The following SLC17A5 variants were observed in gnomAD, a reference collection of about 807,000 sequenced individuals.
The protein encoded by SLC17A5 is solute carrier family 17 member 5, also known as sialin.
A neutral mutation model predicts 59.4 loss-of-function variants in SLC17A5; 47 were observed. The observed-to-expected ratio is 0.79, with a 90% CI of 0.63 to 1.01. SLC17A5 has a LOEUF of 1.01. Among genes scored for constraint, SLC17A5 ranks in the 50% least tolerant of loss-of-function variants. The pLI is 0.00. For synonymous variants in SLC17A5, 202 were observed against 210.7 expected (o/e 0.96, Z 0.36); for missense variants, 522 against 595.5 (o/e 0.88, Z 1.28).
intron 6 of SLC17A5, among the ~76,000 whole-genome samples, chr6:73,626,172 T>C (rs1022870760): frequency 3.9e-5 from 6 of 152,234 alleles, no homozygotes; most frequent in Non-Finnish European, 8.8e-5. Context: ...TTAGTCACAC[T>C]GGTATGTTTT....
chr6:73,599,817 T>C (rs1332456151), intron 10 of SLC17A5, among the ~76,000 whole-genome samples: 1 of 143,318 alleles, frequency 7.0e-6, no homozygotes, highest in East Asian at 2.0e-4. Flanking sequence ...TTTTTTTTTT[T>C]GAGACGGAGT....
At chr6:73,639,675 G>T (rs913132034) in intron 3 of SLC17A5, among the ~76,000 whole-genome samples, 1 of 152,214 alleles carries the variant, frequency 6.6e-6, no homozygotes, top group African/African-American at 2.4e-5. Context: ...CTTTATGAAT[G>T]AGGAAATGCA....
At chr6:73,630,112 C>A (rs1402863318) in intron 6 of SLC17A5, among the ~76,000 whole-genome samples, 1 of 151,938 alleles carries the variant, frequency 6.6e-6, no homozygotes, top group East Asian at 1.9e-4. Flanking sequence ...TCTGCCTCAG[C>A]CTCTCGAGTA....
At chr6:73,614,008 G>A (rs528255777) in intron 8 of SLC17A5, among the ~76,000 whole-genome samples, 10 of 152,318 alleles carry the variant, frequency 6.6e-5, no homozygotes, top group African/African-American at 2.2e-4. Flanking sequence ...CCTCACTCCT[G>A]TAGTCCCAGC....
At chr6:73,601,764 A>G (rs376574794) in intron 9 of SLC17A5, among the ~76,000 whole-genome samples, 1,504 of 49,282 alleles carry the variant, frequency 0.031, 16 homozygotes, top group African/African-American at 0.051. Context: ...GCCCCTACTG[A>G]GAAGTGAGGA....
chr6:73,595,515 G>T (rs932790417), intron 10 of SLC17A5, among the ~76,000 whole-genome samples: 2 of 152,176 alleles, frequency 1.3e-5, no homozygotes, highest in Non-Finnish European at 2.9e-5. Context: ...CCCAAAGTCA[G>T]ACCATACTAA....
chr6:73,653,938 G>GC lies in SLC17A5; in HGVS notation c.-53dup. ...CCACCTGGCAGAGAAGGGAGCGCCG[G>GC]CCCGACAGCCCGAAGCCCCCGGGCC... On this transcript the variant is annotated 5_prime_UTR_variant, in exon 1 of 11. Coordinates refer to ENST00000355773, the MANE Select transcript of SLC17A5 (RefSeq NM_012434.5). The GC allele has an allele frequency of 6.8e-7, 1 of 1,476,446 alleles. No individual in the cohort carries two copies. The highest frequency in any genetic ancestry group is 9.2e-7 in the Non-Finnish European group (1 of 1,081,196). The allele number at this position is 1,476,446 out of a possible 1,614,324, so 91.5% of individuals were successfully genotyped here. A position where few individuals can be genotyped will look rare whatever the true frequency, so the allele number is the denominator to read the frequency against.
chr6:73,612,191 T>C (rs1460959824), intron 8 of SLC17A5, among the ~76,000 whole-genome samples: 1 of 151,006 alleles, frequency 6.6e-6, no homozygotes, highest in African/African-American at 2.4e-5. Context: ...TTTTTTTTTT[T>C]CACTCTTTTT....
At chr6:73,600,689 C>G (rs1767018211) in intron 9 of SLC17A5, among the ~76,000 whole-genome samples, 1 of 151,782 alleles carries the variant, frequency 6.6e-6, no homozygotes, top group Non-Finnish European at 1.5e-5. Flanking sequence ...TTAGTAGAGC[C>G]GGTGTCTCAC....
chr6:73,601,576 G>C (rs1767102680), intron 9 of SLC17A5, among the ~76,000 whole-genome samples: 1 of 89,764 alleles, frequency 1.1e-5, no homozygotes, highest in African/African-American at 5.7e-5. Context: ...CTGCCCGGCC[G>C]CCCCTACTGG....
chr6:73,641,161 C>T (rs2150117742), intron 3 of SLC17A5, among the ~76,000 whole-genome samples: 1 of 152,150 alleles, frequency 6.6e-6, no homozygotes, highest in South Asian at 2.1e-4. Context: ...CTCACTGCAA[C>T]CTCTGCCTCC....
At chr6:73,625,430 G>A (rs939204403) in intron 6 of SLC17A5, among the ~76,000 whole-genome samples, 40 of 152,152 alleles carry the variant, frequency 2.6e-4, no homozygotes, top group East Asian at 1.4e-3. Flanking sequence ...CAGGTGATCC[G>A]CTAGCCTCGG....
intron 1 of SLC17A5, 97 bp downstream of exon 1, chr6:73,653,696 C>T (rs1769978923): frequency 1.6e-6 from 2 of 1,286,114 alleles, no homozygotes; most frequent in Non-Finnish European, 2.2e-6. Context: ...CCGGTCCCGC[C>T]GGCGCAGGGT....
rs1162228347 is a variant in SLC17A5, at chr6:73,595,086, G to A, written c.1479C>T (p.His493=). The change falls in exon 11 of 11, where the codon CAC becomes CAT. Residue 493 remains histidine (H), a synonymous_variant. Transcript: ENST00000355773. The part of the protein sequence containing the change: ...QNWALNDHHG[H]RH ...TTATTTATTGGTTCCTTCAGTGTCT[G>A]TGTCCATGGTGATCATTGAGAGCCC... The A allele has an allele frequency of 6.2e-7, 1 of 1,614,094 alleles. No homozygotes were observed. The highest frequency in any genetic ancestry group is 1.7e-5 in the Admixed American group (1 of 60,018).
intron 1 of SLC17A5, among the ~76,000 whole-genome samples, chr6:73,652,273 G>A (rs1562003611): frequency 6.6e-6 from 1 of 152,076 alleles, no homozygotes; most frequent in Non-Finnish European, 1.5e-5. Flanking sequence ...TTTTTAAAAG[G>A]GATGCTATAA....
intron 1 of SLC17A5, chr6:73,653,007 T>C (rs1279933291): frequency 4.1e-6 from 4 of 975,332 alleles, no homozygotes; most frequent in Non-Finnish European, 4.9e-6. Context: ...GAAGATGCTT[T>C]ATGACGTACC....
chr6:73,633,147 A>C (rs942590816), intron 6 of SLC17A5, among the ~76,000 whole-genome samples: 2 of 150,302 alleles, frequency 1.3e-5, no homozygotes, highest in Non-Finnish European at 3.0e-5. Context: ...CACCATACCC[A>C]GCTAAAACTT....
intron 6 of SLC17A5, among the ~76,000 whole-genome samples, chr6:73,625,640 CA>C (rs1413959714): frequency 6.6e-6 from 1 of 150,668 alleles, no homozygotes; most frequent in Non-Finnish European, 1.5e-5. Flanking sequence ...ATTGAATAAA[CA>C]AAACAAAAAC....
intron 1 of SLC17A5, among the ~76,000 whole-genome samples, chr6:73,649,846 G>A (rs1214138301): frequency 6.6e-6 from 1 of 152,098 alleles, no homozygotes; most frequent in East Asian, 1.9e-4. Flanking sequence ...GGAAAAGTAA[G>A]AAATTGTTGA....
Sources: allele counts gnomAD v4.1 joint callset (sites outside exome capture counted in the v4.1 genomes callset), GRCh38; gene constraint gnomAD v4.1.1; transcripts MANE v1.5; gene names NCBI Gene and HGNC (gene_info 2026-07-23, HGNC 2026-07-21).